Variants in SGMS1 observed in about 807,000 individuals in gnomAD.
SGMS1 encodes sphingomyelin synthase 1.
SGMS1 carries 13 observed loss-of-function variants against 46.2 expected under a neutral mutation model. The observed-to-expected ratio is 0.28, with a 90% CI of 0.18 to 0.45. The LOEUF (loss-of-function observed/expected upper bound fraction) is 0.45, where lower values mean the gene tolerates loss of function less well. SGMS1 is among the 20% of genes least tolerant of loss of function. The pLI, the probability that SGMS1 is intolerant of heterozygous loss-of-function variation, is 1.00. For missense variants in SGMS1, 324 were observed against 519.9 expected (o/e 0.62, Z 3.66); for synonymous variants, 203 against 187.8 (o/e 1.08, Z -0.66).
chr10:50,596,588 G>A (rs1838596725), intron 1 of SGMS1, among the ~76,000 whole-genome samples: 1 of 152,148 alleles, frequency 6.6e-6, no homozygotes, highest in Non-Finnish European at 1.5e-5. Flanking sequence ...ATAAACATTG[G>A]AGCTGGAATG....
intron 4 of SGMS1, among the ~76,000 whole-genome samples, chr10:50,465,504 C>T (rs1837318599): frequency 6.6e-6 from 1 of 151,394 alleles, no homozygotes; most frequent in Admixed American, 6.6e-5. Context: ...ATCCATAGAC[C>T]CTCAAAAATT....
At chr10:50,358,039 G>A (rs1848182860) in intron 6 of SGMS1, among the ~76,000 whole-genome samples, 1 of 152,164 alleles carries the variant, frequency 6.6e-6, no homozygotes, top group African/African-American at 2.4e-5. Flanking sequence ...CAAAACTTTG[G>A]GAGGCCAAGG....
intron 6 of SGMS1, among the ~76,000 whole-genome samples, chr10:50,411,103 C>A (rs147132535): frequency 6.6e-6 from 1 of 152,070 alleles, no homozygotes; most frequent in African/African-American, 2.4e-5. Flanking sequence ...GCATATACAC[C>A]ATACTCGTGG....
At chr10:50,427,396 CACA>C (rs1466729475) in intron 6 of SGMS1, among the ~76,000 whole-genome samples, 14 of 152,144 alleles carry the variant, frequency 9.2e-5, no homozygotes, top group African/African-American at 2.9e-4. Flanking sequence ...GAGACTCCGT[CACA>C]ACAACAACCA....
chr10:50,490,353 A>G (rs551312296), intron 3 of SGMS1, among the ~76,000 whole-genome samples: 24 of 152,346 alleles, frequency 1.6e-4, no homozygotes, highest in African/African-American at 5.8e-4. Context: ...TGAATTTAAG[A>G]ATGTAAATAT....
chr10:50,513,531 C>T (rs1837775378), intron 3 of SGMS1, among the ~76,000 whole-genome samples: 1 of 152,196 alleles, frequency 6.6e-6, no homozygotes, highest in Non-Finnish European at 1.5e-5. Flanking sequence ...GTGAATGACA[C>T]AAAGACTTCT....
intron 7 of SGMS1, among the ~76,000 whole-genome samples, chr10:50,328,418 T>C (rs922923408): frequency 1.3e-5 from 2 of 152,186 alleles, no homozygotes; most frequent in African/African-American, 2.4e-5. Flanking sequence ...AATCATACAG[T>C]GTAGCTCCAG....
intron 2 of SGMS1, among the ~76,000 whole-genome samples, chr10:50,534,641 C>T (rs542828980): frequency 6.6e-6 from 1 of 152,172 alleles, no homozygotes; most frequent in South Asian, 2.1e-4. Flanking sequence ...AACAGGGAAG[C>T]GATTTACAAA....
intron 1 of SGMS1, among the ~76,000 whole-genome samples, chr10:50,614,250 T>C (rs1838776688): frequency 6.6e-6 from 1 of 152,216 alleles, no homozygotes; most frequent in South Asian, 2.1e-4. Flanking sequence ...TCTCTCCACC[T>C]TGGGATCATC....
chr10:50,616,460 T>C (rs1227927429), intron 1 of SGMS1, among the ~76,000 whole-genome samples: 1 of 152,130 alleles, frequency 6.6e-6, no homozygotes, highest in Non-Finnish European at 1.5e-5. Flanking sequence ...AAAACCAGCA[T>C]TAGGGGAGGT....
At chr10:50,600,725 C>T (rs1163697597) in intron 1 of SGMS1, among the ~76,000 whole-genome samples, 1 of 152,166 alleles carries the variant, frequency 6.6e-6, no homozygotes, top group African/African-American at 2.4e-5. Context: ...ATTCCACTAA[C>T]CTTTTTGAGA....
intron 6 of SGMS1, among the ~76,000 whole-genome samples, chr10:50,368,752 T>A (rs1162253964): frequency 6.6e-6 from 1 of 152,220 alleles, no homozygotes; most frequent in Non-Finnish European, 1.5e-5. Flanking sequence ...ACCACTGAAC[T>A]GTAAAGAAAT....
chr10:50,382,588 C>CACACACACAT (rs1225302548), intron 6 of SGMS1, among the ~76,000 whole-genome samples: 3 of 150,046 alleles, frequency 2.0e-5, no homozygotes, highest in East Asian at 3.9e-4. Context: ...CACACACACA[C>CACACACACAT]ACACAACTTC....
At chr10:50,417,564 G>C (rs534528270) in intron 6 of SGMS1, among the ~76,000 whole-genome samples, 8 of 152,170 alleles carry the variant, frequency 5.3e-5, no homozygotes, top group African/African-American at 1.9e-4. Flanking sequence ...CAAAACACAG[G>C]GGCACGTGCA....
Position 50,308,099 on chromosome 10 carries a change from G to A in SGMS1, c.945C>T (p.Ser315=), listed in dbSNP as rs377565407. 52 of 1,613,790 alleles carry A rather than the reference G, an allele frequency of 3.2e-5. No individual in the cohort carries two copies. The highest frequency in any genetic ancestry group is 4.1e-5 in the Non-Finnish European group (48 of 1,179,876). ...WWYHWICWLL[S]VVGIFCILLA... is the part of the protein sequence containing the mutation. ...AGAGAATACAGAAGATTCCAACTAC[G>A]CTGAGAAGCCAGCAAATCCAGTGAT... The change falls in exon 10 of 11, where the codon AGC becomes AGT. Residue 315 remains serine (S), a synonymous_variant. Transcript: ENST00000361781.
intron 6 of SGMS1, among the ~76,000 whole-genome samples, chr10:50,382,990 T>A (rs1454309959): frequency 6.6e-6 from 1 of 152,212 alleles, no homozygotes; most frequent in African/African-American, 2.4e-5. Flanking sequence ...AGAAGGAAGT[T>A]ATTAACTTCA....
chr10:50,445,136 A>G (rs1025163852), intron 5 of SGMS1, among the ~76,000 whole-genome samples: 3 of 152,226 alleles, frequency 2.0e-5, no homozygotes, highest in Non-Finnish European at 2.9e-5. Context: ...TCACCAAGGA[A>G]ACAACAGGAA....
At chr10:50,470,244 T>A (rs1180900397) in intron 3 of SGMS1, among the ~76,000 whole-genome samples, 1 of 151,990 alleles carries the variant, frequency 6.6e-6, no homozygotes, top group Non-Finnish European at 1.5e-5. Flanking sequence ...TTTATTAGAG[T>A]AGTAAAAAGT....
chr10:50,624,671 G>A (rs1301216035), upstream of SGMS1: 1 of 985,324 alleles, frequency 1.0e-6, no homozygotes, highest in Admixed American at 6.1e-5. Context: ...GTCGGAGCCC[G>A]CGCATGCCCA....
Sources: gnomAD v4.1 joint callset for allele counts (sites outside exome capture counted in the v4.1 genomes callset) on GRCh38, gnomAD v4.1.1 for gene constraint, MANE v1.5 for transcripts, NCBI Gene and HGNC (gene_info 2026-07-23, HGNC 2026-07-21) for gene names.